Variants in ITGB1 observed in about 807,000 individuals in gnomAD.
ITGB1 encodes integrin subunit beta 1.
A neutral mutation model predicts 86.5 loss-of-function variants in ITGB1; 24 were observed. The observed-to-expected ratio is 0.28, with a 90% CI of 0.20 to 0.39. The LOEUF is 0.39. ITGB1 is among the 10% of genes least tolerant of loss of function. ITGB1 has a pLI of 1.00. For synonymous variants in ITGB1, 323 were observed against 316.8 expected (o/e 1.02, Z -0.21); for missense variants, 556 against 946.9 (o/e 0.59, Z 5.42).
chr10:32,935,012 T>C (rs902908616), intron 2 of ITGB1, among the ~76,000 whole-genome samples: 6 of 152,202 alleles, frequency 3.9e-5, no homozygotes, highest in East Asian at 1.9e-4. Context: ...CACATCTTTA[T>C]AGAAGGGTTA....
chr10:32,936,465 T>C (rs571743831), intron 1 of ITGB1, among the ~76,000 whole-genome samples: 4 of 152,064 alleles, frequency 2.6e-5, no homozygotes, highest in African/African-American at 7.2e-5. Flanking sequence ...TCAACTTCTA[T>C]GCATGCAATA....
At chr10:32,940,925 T>C (rs2095016869) in intron 1 of ITGB1, among the ~76,000 whole-genome samples, 1 of 152,228 alleles carries the variant, frequency 6.6e-6, no homozygotes, top group African/African-American at 2.4e-5. Context: ...TGTCAGGTTT[T>C]GAGCCATATC....
intron 1 of ITGB1, among the ~76,000 whole-genome samples, chr10:32,945,507 G>C (rs938275901): frequency 9.9e-5 from 15 of 152,066 alleles, no homozygotes; most frequent in African/African-American, 3.6e-4. Flanking sequence ...GCTGAGGCAG[G>C]AGAATGGCGT....
intron 1 of ITGB1, among the ~76,000 whole-genome samples, chr10:32,941,574 T>C (rs761906966): frequency 6.6e-6 from 1 of 151,978 alleles, no homozygotes; most frequent in Non-Finnish European, 1.5e-5. Context: ...ATTCTATAAA[T>C]AGGAAGGGAA....
At chr10:32,923,842 C>A in intron 6 of ITGB1, 102 bp from the exon 7 acceptor site, 3 of 919,022 alleles carry the variant, frequency 3.3e-6, no homozygotes, top group Non-Finnish European at 3.2e-6. Flanking sequence ...TAACCTAATT[C>A]TGTATTTTCT....
At position 32,924,944 on chromosome 10, in the gene ITGB1, G is replaced by A. The variant is rs546886139; in HGVS notation, c.786+927C>T. Among the ~76,000 whole-genome samples the A allele has an allele frequency of 6.3e-4, 96 of 152,272 alleles. 3 individuals are homozygous for A. In the South Asian group the frequency reaches 0.02, roughly 31 times the overall value. ...TCTTAAAGAGAAGAAAACAGCCCTG[G>A]AGAGGCTGAGTAAATTGCCCAGCAT... On this transcript the variant is annotated intron_variant, in intron 6 of 15. Coordinates refer to ENST00000302278, the MANE Select transcript of ITGB1 (RefSeq NM_002211.4).
intron 1 of ITGB1, among the ~76,000 whole-genome samples, chr10:32,949,145 A>G (rs1362569134): frequency 3.3e-5 from 5 of 152,212 alleles, no homozygotes; most frequent in African/African-American, 9.6e-5. Context: ...TGGATATGAT[A>G]ATAATAATGA....
chr10:32,935,107 T>G (rs891834863), intron 2 of ITGB1, among the ~76,000 whole-genome samples: 1 of 152,230 alleles, frequency 6.6e-6, no homozygotes, highest in Admixed American at 6.5e-5. Context: ...TGAGAATGTC[T>G]TCTAGAAAGT....
chr10:32,911,944 G>C lies in ITGB1; in HGVS notation c.1650C>G (p.Gly550=). 6.2e-7 allele frequency: 1 copy of C among 1,614,028 alleles called. No individual in the cohort carries two copies. The highest frequency in any genetic ancestry group is 8.5e-7 in the Non-Finnish European group (1 of 1,180,010). ...KRDNTNEIYS[G]KFCECDNFNC... is the part of the protein sequence containing the mutation. Reference sequence around the variant, plus strand: ...TGAAATTATCACACTCGCAGAATTTGCCAGAATAAATTTCATTTGTATTAT... The same window carrying C: ...TGAAATTATCACACTCGCAGAATTTCCCAGAATAAATTTCATTTGTATTAT... Residue 550 remains glycine (G), a synonymous_variant, in exon 12 of 16, where the codon GGC becomes GGG. Coordinates refer to ENST00000302278, the MANE Select transcript of ITGB1 (RefSeq NM_002211.4).
In ITGB1 at chr10:32,911,485, T is replaced by A. The variant is rs1225851848; in HGVS notation, c.1894A>T (p.Met632Leu). ...DPKFQGQTCE[M>L]CQTCLGVCAE... The stretch of plus-strand genomic sequence containing the variant: ...CAGACACCAAGGCAGGTCTGACACA[T>A]CTCACACGTTTGCCCTTGAAACTTC... Residue 632 changes from methionine (M) to leucine (L), a missense_variant, in exon 13 of 16, where the codon ATG becomes TTG. By Grantham distance (15) the Met-to-Leu change is conservative. This residue lies in a region of ITGB1 where 330 missense variants were observed against 531.5 expected (regional missense o/e 0.62). Coordinates refer to ENST00000302278, the MANE Select transcript of ITGB1 (RefSeq NM_002211.4). The A allele has an allele frequency of 6.2e-7, 1 of 1,614,022 alleles. No individual in the cohort carries two copies. Among genetic ancestry groups the A allele is most frequent in the Admixed American group, 1.7e-5 (1 of 60,000 alleles).
chr10:32,934,654 G>A (rs1000390094), intron 2 of ITGB1, among the ~76,000 whole-genome samples: 1 of 151,990 alleles, frequency 6.6e-6, no homozygotes, highest in African/African-American at 2.4e-5. Context: ...ATCAATTTCA[G>A]GTTTTACATT....
chr10:32,952,639 C>T (rs1186910011), intron 1 of ITGB1, among the ~76,000 whole-genome samples: 2 of 152,174 alleles, frequency 1.3e-5, no homozygotes, highest in Non-Finnish European at 2.9e-5. Context: ...AAAAATGTGA[C>T]TTCCATACTC....
intron 7 of ITGB1, among the ~76,000 whole-genome samples, chr10:32,923,372 G>A (rs1432549271): frequency 6.6e-6 from 1 of 152,150 alleles, no homozygotes; most frequent in Non-Finnish European, 1.5e-5. Flanking sequence ...ACCCCAGTGA[G>A]GCCCTTGTCT....
intron 15 of ITGB1, 116 bp downstream of exon 15, chr10:32,908,252 G>T: frequency 1.0e-6 from 1 of 996,534 alleles, no homozygotes; most frequent in Non-Finnish European, 1.6e-6. Context: ...AACTTTTGGG[G>T]GAATAAAATA....
intron 15 of ITGB1, among the ~76,000 whole-genome samples, chr10:32,907,923 T>C (rs912862671): frequency 3.9e-5 from 6 of 152,224 alleles, no homozygotes; most frequent in Admixed American, 6.5e-5. Flanking sequence ...CTGGGCTGCA[T>C]GTCCTGGCCG....
chr10:32,946,878 T>C (rs1308979864), intron 1 of ITGB1, among the ~76,000 whole-genome samples: 1 of 151,040 alleles, frequency 6.6e-6, no homozygotes, highest in African/African-American at 2.4e-5. Context: ...ACAGTTTCAC[T>C]TGATCACCCA....
At chr10:32,919,851 T>A in intron 11 of ITGB1, 34 bp downstream of exon 11, 1 of 1,584,754 alleles carries the variant, frequency 6.3e-7, no homozygotes, top group East Asian at 2.2e-5. Context: ...TAAACCAATG[T>A]AGCTCTGTCA....
intron 1 of ITGB1, among the ~76,000 whole-genome samples, chr10:32,942,683 C>CTCTT (rs1262135086): frequency 5.5e-5 from 5 of 91,110 alleles, no homozygotes; most frequent in Non-Finnish European, 1.5e-4. Flanking sequence ...CTCTCTCTCT[C>CTCTT]TTTTTTTTTT....
At chr10:32,937,928 T>C (rs866487190) in intron 1 of ITGB1, among the ~76,000 whole-genome samples, 21 of 152,248 alleles carry the variant, frequency 1.4e-4, no homozygotes, top group African/African-American at 4.8e-4. Flanking sequence ...CATTCCAGGA[T>C]GCTATTCCCC....
Sources: gnomAD v4.1 joint callset for allele counts (sites outside exome capture counted in the v4.1 genomes callset) on GRCh38, gnomAD v4.1.1 for gene constraint, gnomAD v4.1.1 regional missense constraint, MANE v1.5 for transcripts, NCBI Gene and HGNC (gene_info 2026-07-23, HGNC 2026-07-21) for gene names.